Variants in PLEKHG1 observed in about 807,000 individuals in gnomAD.
The protein encoded by PLEKHG1 is pleckstrin homology and RhoGEF domain containing G1.
Under a neutral mutation model 100.8 loss-of-function variants are expected in PLEKHG1, and 44 were observed. The ratio of observed to expected loss-of-function variants is 0.44; its 90% CI spans 0.34 to 0.56. PLEKHG1 has a LOEUF of 0.56. PLEKHG1 is among the 20% of genes least tolerant of loss of function. The pLI is 0.01. For synonymous variants in PLEKHG1, 640 were observed against 662.5 expected (o/e 0.97, Z 0.52); for missense variants, 1,545 against 1,720.9 (o/e 0.90, Z 1.81).
chr6:150,811,649 A>G (rs74947078), intron 10 of PLEKHG1, among the ~76,000 whole-genome samples: 257 of 137,310 alleles, frequency 1.9e-3, no homozygotes, highest in Middle Eastern at 0.012. Flanking sequence ...AAAAAAAAAA[A>G]AGAGAGAATG....
chr6:150,755,661 C>T (rs780697686), intron 2 of PLEKHG1, among the ~76,000 whole-genome samples: 2 of 152,076 alleles, frequency 1.3e-5, no homozygotes, highest in East Asian at 1.9e-4. Context: ...GCTGAAGCTA[C>T]GGAGCCTCAG....
At chr6:150,729,600 T>C (rs1488861508) in intron 1 of PLEKHG1, among the ~76,000 whole-genome samples, 4 of 152,220 alleles carry the variant, frequency 2.6e-5, no homozygotes, top group African/African-American at 7.2e-5. Flanking sequence ...ATAAAAAATG[T>C]TAGCCATTAG....
intron 2 of PLEKHG1, among the ~76,000 whole-genome samples, chr6:150,753,904 C>T: frequency 6.6e-6 from 1 of 152,194 alleles, no homozygotes; most frequent in Non-Finnish European, 1.5e-5. Context: ...CACCGTTAAC[C>T]CTTGCCTTCC....
At chr6:150,823,404 G>T (rs1483023184) in intron 13 of PLEKHG1, among the ~76,000 whole-genome samples, 1 of 152,132 alleles carries the variant, frequency 6.6e-6, no homozygotes. Flanking sequence ...ACATGAATTA[G>T]TTAATGGCTG....
intron 2 of PLEKHG1, among the ~76,000 whole-genome samples, chr6:150,762,387 C>T (rs368468305): frequency 7.3e-5 from 11 of 150,668 alleles, no homozygotes; most frequent in Non-Finnish European, 1.0e-4. Flanking sequence ...TTAGTAGAGA[C>T]GGGGTTTCGC....
chr6:150,656,111 A>G (rs1444691964), intron 3 of PLEKHG1, among the ~76,000 whole-genome samples: 2 of 151,986 alleles, frequency 1.3e-5, no homozygotes. Flanking sequence ...AATAAAAAAA[A>G]ATCAACCAAT....
intron 2 of PLEKHG1, among the ~76,000 whole-genome samples, chr6:150,649,279 T>C (rs952091115): frequency 1.3e-5 from 2 of 152,236 alleles, no homozygotes. Flanking sequence ...GAGCTAATTA[T>C]AGTAAAGCTT....
At chr6:150,697,899 A>G (rs1780608784) in intron 3 of PLEKHG1, among the ~76,000 whole-genome samples, 1 of 150,894 alleles carries the variant, frequency 6.6e-6, no homozygotes, top group Admixed American at 6.6e-5. Flanking sequence ...GAGTTTCTGA[A>G]GACATTTTGT....
chr6:150,724,558 C>CTTTTTTTTTTTTTTTTTTTTTTTT (rs34140367), intron 1 of PLEKHG1, among the ~76,000 whole-genome samples: 14 of 100,464 alleles, frequency 1.4e-4, no homozygotes, highest in African/African-American at 3.9e-4. Context: ...TTTTCTTTTT[C>CTTTTTTTTTTTTTTTTTTTTTTTT]TTTTTTTTTT....
intron 3 of PLEKHG1, among the ~76,000 whole-genome samples, chr6:150,679,368 A>T (rs1363548334): frequency 5.3e-5 from 8 of 152,222 alleles, no homozygotes. Context: ...CTCAGGGCAG[A>T]GAAGATGTGA....
intron 2 of PLEKHG1, among the ~76,000 whole-genome samples, chr6:150,646,011 C>T (rs771193297): frequency 1.3e-5 from 2 of 152,154 alleles, no homozygotes; most frequent in African/African-American, 4.8e-5. Flanking sequence ...TATAAATATA[C>T]CACAAGTTAT....
intron 2 of PLEKHG1, among the ~76,000 whole-genome samples, chr6:150,765,958 A>C (rs1784434809): frequency 6.6e-6 from 1 of 152,220 alleles, no homozygotes; most frequent in South Asian, 2.1e-4. Context: ...GAATAGGACC[A>C]AGTCAGATCT....
chr6:150,681,689 A>C (rs143703847), intron 3 of PLEKHG1, among the ~76,000 whole-genome samples: 1 of 152,142 alleles, frequency 6.6e-6, no homozygotes, highest in East Asian at 1.9e-4. Flanking sequence ...TTGCACAGCT[A>C]TCCTTCCCTA....
intron 2 of PLEKHG1, among the ~76,000 whole-genome samples, chr6:150,646,104 A>G (rs1261979376): frequency 6.6e-6 from 1 of 152,232 alleles, no homozygotes; most frequent in Non-Finnish European, 1.5e-5. Context: ...ACAATATTGA[A>G]TGGGAGAAAG....
chr6:150,716,095 G>A (rs1372629768), upstream of PLEKHG1, among the ~76,000 whole-genome samples: 9 of 107,318 alleles, frequency 8.4e-5, no homozygotes, highest in South Asian at 3.4e-4. Context: ...GCGACAGAGC[G>A]AGACTCCGTC....
chr6:150,645,836 G>A (rs1334984156), intron 2 of PLEKHG1, among the ~76,000 whole-genome samples: 1 of 152,130 alleles, frequency 6.6e-6, no homozygotes, highest in East Asian at 1.9e-4. Context: ...AGAATTACCA[G>A]TAAAGTTCAC....
intron 1 of PLEKHG1, chr6:150,624,677 A>T (rs1401217043): frequency 6.6e-6 from 1 of 152,014 alleles, no homozygotes; most frequent in Non-Finnish European, 1.5e-5. Context: ...ACTTTCATAG[A>T]ATTTTTTTTT....
chr6:150,837,639 C>T (rs1022552648), intron 15 of PLEKHG1, among the ~76,000 whole-genome samples: 1 of 152,236 alleles, frequency 6.6e-6, no homozygotes, highest in African/African-American at 2.4e-5. Context: ...CAGGGCTATA[C>T]TGTATGTGAG....
chr6:150,610,641 A>C (rs9478766), intron 1 of PLEKHG1, among the ~76,000 whole-genome samples: 3,885 of 152,344 alleles, frequency 0.026, 71 homozygotes, highest in South Asian at 0.044. Context: ...AAAGAGCAGG[A>C]AAAGGAAGGA....
Sources: gnomAD v4.1 joint callset for allele counts (sites outside exome capture counted in the v4.1 genomes callset) on GRCh38, gnomAD v4.1.1 for gene constraint, MANE v1.5 for transcripts, NCBI Gene and HGNC (gene_info 2026-07-23, HGNC 2026-07-21) for gene names.